Variants in NLRX1 observed in about 807,000 individuals in gnomAD.
NLRX1 encodes the protein NOD-like receptor X1.
In NLRX1, 67 loss-of-function variants were observed where a neutral mutation model predicts 74.2. The ratio of observed to expected loss-of-function variants is 0.90; its 90% CI spans 0.74 to 1.11. The LOEUF (loss-of-function observed/expected upper bound fraction) is 1.11, where lower values mean the gene tolerates loss of function less well. NLRX1 is among the 50% of genes least tolerant of loss of function. NLRX1 has a pLI of 0.00. For synonymous variants in NLRX1, 506 were observed against 559.1 expected (o/e 0.91, Z 1.34); for missense variants, 1,191 against 1,305.4 (o/e 0.91, Z 1.35).
intron 1 of NLRX1, among the ~76,000 whole-genome samples, chr11:119,170,933 C>T (rs568480833): frequency 6.6e-6 from 1 of 152,130 alleles, no homozygotes; most frequent in Non-Finnish European, 1.5e-5. Flanking sequence ...TACCTGAGGT[C>T]AGAAGTTCAA....
chr11:119,171,345 T>A lies in NLRX1; in HGVS notation c.-48-11T>A. 3.1e-6 allele frequency: 5 copies of A among 1,598,188 alleles called. No individual in the cohort carries two copies. In the South Asian group the frequency reaches 5.5e-5, roughly 18 times the overall value. On this transcript the variant is annotated splice_polypyrimidine_tract_variant and intron_variant, in intron 1 of 9. Transcript: ENST00000409109. ...GGTGGCAGTGATCCATTCGTACTAT[T>A]CTTCTTGCAGGACAGAAGTCGGTCC...
intron 7 of NLRX1, among the ~76,000 whole-genome samples, chr11:119,180,783 G>A (rs1269605247): frequency 6.6e-6 from 1 of 152,002 alleles, no homozygotes. Context: ...GCTCCTGCCT[G>A]TAATCCCACT....
chr11:119,182,094 G>C lies in NLRX1; in HGVS notation c.2355G>C (p.Arg785=). The C allele has an allele frequency of 6.2e-7, 1 of 1,614,026 alleles. No homozygotes were observed. The highest frequency in any genetic ancestry group is 1.1e-5 in the South Asian group (1 of 91,058). ...LHDQCQITTL[R]LSNNPLTAAG... ...AACCTTGGGTTGCACGTGGCTGTAGGCTGTCCAACAACCCGCTGACGGCGG... is the reference window on the plus strand; with the variant it reads ...AACCTTGGGTTGCACGTGGCTGTAGCCTGTCCAACAACCCGCTGACGGCGG... Residue 785 remains arginine (R), a splice_region_variant and synonymous_variant, in exon 9 of 10, where the codon CGG becomes CGC. Transcript: ENST00000409109.
chr11:119,172,783 T>C (rs1948584969), intron 3 of NLRX1, 118 bp from the exon 4 acceptor site: 2 of 765,682 alleles, frequency 2.6e-6, no homozygotes, highest in Admixed American at 2.0e-5. Flanking sequence ...GGGTCCAGTG[T>C]GGGGCCTTTA....
chr11:119,174,948 G>A lies in NLRX1; in HGVS notation c.1345G>A (p.Val449Ile), dbSNP rs1446803810. ...CAAGACCTACTTCTCTGAAGAGGAT[G>A]TCTGTGGCTGCCTGGAGGCTGGCAT... ...SRKTYFSEED[V>I]CGCLEAGIRT... Residue 449 changes from valine to isoleucine, a missense_variant, in exon 6 of 10, where the codon GTC becomes ATC. Physicochemically the swap from Val to Ile is conservative, Grantham distance 29 (BLOSUM62 3). Coordinates refer to ENST00000409109, the MANE Select transcript of NLRX1 (RefSeq NM_001282144.2). 7 of 1,613,972 alleles carry A rather than the reference G, an allele frequency of 4.3e-6. No individual in the cohort carries two copies. The Admixed American group carries it at 8.3e-5, about 19-fold the overall frequency.
rs375267123 is a variant in NLRX1, at chr11:119,173,408, C to G, written c.230-71C>G. ...TGATGTCCCAGCCTGACCTCACCAC[C>G]GCCCTGATTGGCCCTAAGCTACATC... On this transcript the variant is annotated intron_variant, in intron 4 of 9. Transcript: ENST00000409109. The surrounding 1 kb of genome is among the most constrained non-coding windows in gnomAD (Gnocchi z 4.0). 1 of 1,528,004 alleles carries G rather than the reference C, an allele frequency of 6.5e-7. No individual in the cohort carries two copies. Among genetic ancestry groups the G allele is most frequent in the East Asian group, 2.3e-5 (1 of 44,342 alleles). The allele number at this position is 1,528,004 out of a possible 1,614,324, so 94.7% of individuals were successfully genotyped here. A position where few individuals can be genotyped will look rare whatever the true frequency, so the allele number is the denominator to read the frequency against.
chr11:119,176,962 C>T (rs1005653243), intron 6 of NLRX1, among the ~76,000 whole-genome samples: 1 of 152,184 alleles, frequency 6.6e-6, no homozygotes, highest in Non-Finnish European at 1.5e-5. Context: ...AGTTCTGTGC[C>T]TCAGATTCCT....
At chr11:119,172,284 G>A in intron 2 of NLRX1, 72 bp from the exon 3 acceptor site, 1 of 1,169,078 alleles carries the variant, frequency 8.6e-7, no homozygotes, top group East Asian at 2.3e-5. Flanking sequence ...AAATACTGGG[G>A]GGTTTGATGT....
chr11:119,179,856 A>T lies in NLRX1; in HGVS notation c.1835A>T (p.Asp612Val). 1 of 1,614,096 alleles carries T rather than the reference A, an allele frequency of 6.2e-7. No homozygotes were observed. Among genetic ancestry groups the T allele is most frequent in the South Asian group, 1.1e-5 (1 of 91,076 alleles). Residue 612 changes from aspartate (D) to valine (V), a missense_variant, in exon 7 of 10, where the codon GAT (aspartate) becomes GTT (valine). By Grantham distance (152) the Asp-to-Val change is radical. Transcript: ENST00000409109. Reference sequence around the variant, plus strand: ...GTGGAGGGCCCCCGGCGCCACCCAGATGAGCCCCCTGAGGATGAAGTCTTC... The same window carrying T: ...GTGGAGGGCCCCCGGCGCCACCCAGTTGAGCCCCCTGAGGATGAAGTCTTC... ...LGVEGPRRHP[D>V]EPPEDEVFEL... is the part of the protein sequence containing the mutation.
In NLRX1 at chr11:119,183,548, G is replaced by T; in HGVS notation, c.*109G>T. ...CTAGAAAGATTCCTTCAGGTCTGGA[G>T]GCAGAGGAATGGGCATAGCTGAGCC... is the stretch of plus-strand genomic sequence containing the variant. On this transcript the variant is annotated 3_prime_UTR_variant, in exon 10 of 10. Coordinates refer to ENST00000409109, the MANE Select transcript of NLRX1 (RefSeq NM_001282144.2). The surrounding 1 kb of genome is among the most constrained non-coding windows in gnomAD (Gnocchi z 5.7). The T allele has an allele frequency of 8.7e-7, 1 of 1,146,086 alleles. No individual in the cohort carries two copies. The highest frequency in any genetic ancestry group is 1.3e-5 in the South Asian group (1 of 74,578). 71.0% of individuals were successfully genotyped at this position (1,146,086 alleles called of 1,614,324 possible).
chr11:119,183,849 C>G lies in NLRX1; in HGVS notation c.*410C>G. The G allele has an allele frequency of 1.3e-6, 1 of 780,884 alleles. No individual in the cohort carries two copies. Among genetic ancestry groups the G allele is most frequent in the South Asian group, 1.3e-5 (1 of 74,622 alleles). The allele number at this position is 780,884 out of a possible 1,614,324, so 48.4% of individuals were successfully genotyped here. On this transcript the variant is annotated 3_prime_UTR_variant, in exon 10 of 10. Coordinates refer to ENST00000409109, the MANE Select transcript of NLRX1 (RefSeq NM_001282144.2). This position sits in a 1 kb window ranked among gnomAD's most constrained non-coding sequence, Gnocchi z 5.7. Reference sequence around the variant, plus strand: ...TGTCGCCATCCAGATGTGTTGGAAGCTTCCCCTCCTGCCTTATGCTCACCT... The same window carrying G: ...TGTCGCCATCCAGATGTGTTGGAAGGTTCCCCTCCTGCCTTATGCTCACCT...
In NLRX1 at chr11:119,173,192, G is replaced by A; in HGVS notation, c.229+203G>A. The A allele has an allele frequency of 1.6e-6, 1 of 616,518 alleles. No individual in the cohort carries two copies. The highest frequency in any genetic ancestry group is 1.9e-5 in the South Asian group (1 of 51,900). 38.2% of individuals were successfully genotyped at this position (616,518 alleles called of 1,614,324 possible). ...GCACACTTATATGTACAAAGCGCTAGGAGAGCCATACCATCCCTATGCTCA... is the reference window on the plus strand; with the variant it reads ...GCACACTTATATGTACAAAGCGCTAAGAGAGCCATACCATCCCTATGCTCA... On this transcript the variant is annotated intron_variant, in intron 4 of 9. Coordinates refer to ENST00000409109, the MANE Select transcript of NLRX1 (RefSeq NM_001282144.2). This position sits in a 1 kb window ranked among gnomAD's most constrained non-coding sequence, Gnocchi z 4.0.
In NLRX1 at chr11:119,174,912, G is replaced by A. The variant is rs201584722; in HGVS notation, c.1309G>A (p.Val437Met). 5.6e-6 allele frequency: 9 copies of A among 1,614,064 alleles called. No homozygotes were observed. The highest frequency in any genetic ancestry group is 4.5e-5 in the East Asian group (2 of 44,884). ...CATGGGCAAGTTGGCCTATGAGGGGGTGTCCTCCCGCAAGACCTACTTCTC... is the reference window on the plus strand; with the variant it reads ...CATGGGCAAGTTGGCCTATGAGGGGATGTCCTCCCGCAAGACCTACTTCTC... ...RTMGKLAYEG[V>M]SSRKTYFSEE... Residue 437 changes from valine to methionine, a missense_variant, in exon 6 of 10, where the codon GTG becomes ATG. Physicochemically the swap from Val to Met is conservative, Grantham distance 21. Transcript: ENST00000409109.
intron 6 of NLRX1, among the ~76,000 whole-genome samples, chr11:119,179,455 A>T (rs1948773395): frequency 6.6e-6 from 1 of 152,184 alleles, no homozygotes; most frequent in South Asian, 2.1e-4. Context: ...GCAAGACCCC[A>T]TCTCTAGTTT....
chr11:119,173,954 C>T lies in NLRX1; in HGVS notation c.705C>T (p.Ser235=), dbSNP rs1043436868. ...TGCCCCTGATGGCTGCTGCTGGGTCCCACCTCCTCTTTGTGCTCCATGGCT... is the reference window on the plus strand; with the variant it reads ...TGCCCCTGATGGCTGCTGCTGGGTCTCACCTCCTCTTTGTGCTCCATGGCT... ...EVLPLMAAAG[S]HLLFVLHGLE... The change falls in exon 5 of 10, where the codon TCC becomes TCT. Residue 235 remains serine (S), a synonymous_variant. Coordinates refer to ENST00000409109, the MANE Select transcript of NLRX1 (RefSeq NM_001282144.2). This position sits in a 1 kb window ranked among gnomAD's most constrained non-coding sequence, Gnocchi z 4.0. 7 of 1,614,056 alleles carry T rather than the reference C, an allele frequency of 4.3e-6. No homozygotes were observed. Among genetic ancestry groups the T allele is most frequent in the Non-Finnish European group, 5.9e-6 (7 of 1,180,030 alleles).
intron 3 of NLRX1, 59 bp from the exon 4 acceptor site, chr11:119,172,842 C>G: frequency 7.9e-7 from 1 of 1,262,722 alleles, no homozygotes; most frequent in Non-Finnish European, 1.2e-6. Context: ...GGACCCAGAG[C>G]CTGTGAAGGG....
At position 119,173,455 on chromosome 11, in the gene NLRX1, C is replaced by T. The variant is rs1440171091; in HGVS notation, c.230-24C>T. 1 of 1,603,522 alleles carries T rather than the reference C, an allele frequency of 6.2e-7. No individual in the cohort carries two copies. Among genetic ancestry groups the T allele is most frequent in the Non-Finnish European group, 8.5e-7 (1 of 1,175,506 alleles). On this transcript the variant is annotated intron_variant, in intron 4 of 9. Coordinates refer to ENST00000409109, the MANE Select transcript of NLRX1 (RefSeq NM_001282144.2). This position sits in a 1 kb window ranked among gnomAD's most constrained non-coding sequence, Gnocchi z 4.0. ...CATCTCCAGGCCCCTTTCCCTGACA[C>T]ATTTCCCTTATCTTCCCACTCAGAA...
At chr11:119,175,981 G>A (rs754889939) in intron 6 of NLRX1, among the ~76,000 whole-genome samples, 1 of 152,134 alleles carries the variant, frequency 6.6e-6, no homozygotes, top group Non-Finnish European at 1.5e-5. Context: ...CCCTTTTATA[G>A]ATGAATAAAC....
At position 119,183,674 on chromosome 11, in the gene NLRX1, T is replaced by C. The variant is rs895233904; in HGVS notation, c.*235T>C. On this transcript the variant is annotated 3_prime_UTR_variant, in exon 10 of 10. Transcript: ENST00000409109. This position sits in a 1 kb window ranked among gnomAD's most constrained non-coding sequence, Gnocchi z 5.7. The stretch of plus-strand genomic sequence containing the variant: ...GGGCTTGGAGATGGAACATGCCTCC[T>C]CTCCATTCAGCTAGAAGGACCAAAG... 4.1e-6 allele frequency: 3 copies of C among 736,308 alleles called. No individual in the cohort carries two copies. The highest frequency in any genetic ancestry group is 7.5e-6 in the Non-Finnish European group (3 of 402,640). 45.6% of individuals were successfully genotyped at this position (736,308 alleles called of 1,614,324 possible). A position where few individuals can be genotyped will look rare whatever the true frequency, so the allele number is the denominator to read the frequency against.
Sources: gnomAD v4.1 joint callset for allele counts (sites outside exome capture counted in the v4.1 genomes callset) on GRCh38, gnomAD v4.1.1 for gene constraint, Gnocchi (gnomAD v3.1) non-coding constraint, MANE v1.5 for transcripts, NCBI Gene and HGNC (gene_info 2026-07-23, HGNC 2026-07-21) for gene names.